RNF217: variants seen among roughly 807,000 people sequenced by gnomAD.
The protein encoded by RNF217 is E3 ubiquitin-protein ligase RNF217.
A neutral mutation model predicts 57.8 loss-of-function variants in RNF217; 31 were observed. That is an observed-to-expected ratio of 0.54 (90% confidence interval 0.40 to 0.72). RNF217 has a LOEUF of 0.72. Among genes scored for constraint, RNF217 ranks in the 30% least tolerant of loss-of-function variants. RNF217 has a pLI of 0.00. For missense variants in RNF217, 696 were observed against 708.3 expected, an observed-to-expected ratio of 0.98 and a Z score of 0.20; for synonymous variants, 313 against 294.0, an observed-to-expected ratio of 1.06 and a Z score of -0.66.
intron 3 of RNF217, among the ~76,000 whole-genome samples, chr6:125,060,754 T>C (rs1368191855): frequency 6.6e-6 from 1 of 152,126 alleles, no homozygotes; most frequent in Non-Finnish European, 1.5e-5. Flanking sequence ...CATATTTTGA[T>C]TTCCAAATGA....
chr6:125,034,015 A>G (rs1007919230), intron 1 of RNF217, among the ~76,000 whole-genome samples: 10 of 151,796 alleles, frequency 6.6e-5, no homozygotes, highest in Middle Eastern at 3.4e-3. Flanking sequence ...GTCTGTTCAT[A>G]TCCTTTGCCC....
rs577688174 is a variant in RNF217, at chr6:125,088,046, G to T, written c.*5109G>T. On this transcript the variant is annotated 3_prime_UTR_variant, in exon 6 of 6. Transcript: ENST00000521654. ...TTTTTTTTTTTTTTTTGAGACAGAG[G>T]TTCTCTCAATGTTGCCCAGGCTGGT... 7.3e-6 allele frequency: 1 copy of T among 137,490 alleles called. No homozygotes were observed. Among genetic ancestry groups the T allele is most frequent in the Admixed American group, 7.3e-5 (1 of 13,626 alleles). 8.5% of individuals were successfully genotyped at this position (137,490 alleles called of 1,614,324 possible). A position where few individuals can be genotyped will look rare whatever the true frequency, so the allele number is the denominator to read the frequency against.
At chr6:125,009,365 C>G (rs560259873) in intron 1 of RNF217, 75 of 870,782 alleles carry the variant, frequency 8.6e-5, no homozygotes, top group Non-Finnish European at 1.4e-4. Context: ...CTGTGAAGCC[C>G]TCTCACAGAC....
At chr6:125,071,389 T>C (rs1027629369) in intron 3 of RNF217, among the ~76,000 whole-genome samples, 3 of 152,032 alleles carry the variant, frequency 2.0e-5, no homozygotes, top group African/African-American at 7.2e-5. Flanking sequence ...TTGCCAGCAT[T>C]TTTTGGATAT....
intron 1 of RNF217, among the ~76,000 whole-genome samples, chr6:124,965,857 CTG>C (rs1783518781): frequency 1.3e-5 from 2 of 152,202 alleles, no homozygotes; most frequent in Admixed American, 1.3e-4. Context: ...CTAACATACT[CTG>C]TCTTACACTT....
chr6:124,988,739 C>A (rs147814348), intron 1 of RNF217, among the ~76,000 whole-genome samples: 1 of 152,156 alleles, frequency 6.6e-6, no homozygotes, highest in Non-Finnish European at 1.5e-5. Context: ...AATTAAAGTT[C>A]TTTAATCGTT....
intron 1 of RNF217, among the ~76,000 whole-genome samples, chr6:125,039,877 A>T (rs1439919404): frequency 1.3e-5 from 2 of 152,168 alleles, no homozygotes; most frequent in African/African-American, 4.8e-5. Flanking sequence ...TAAGGCAGAA[A>T]TGAAGAAGTT....
intron 1 of RNF217, among the ~76,000 whole-genome samples, chr6:125,014,540 T>A (rs1017290125): frequency 3.3e-5 from 5 of 152,272 alleles, no homozygotes; most frequent in Middle Eastern, 3.4e-3. Flanking sequence ...TATGAATCCA[T>A]CTCTGTGATG....
chr6:124,980,211 G>T lies in RNF217; in HGVS notation c.882+16785G>T, dbSNP rs570790327. On this transcript the variant is annotated intron_variant, in intron 1 of 5. Transcript: ENST00000521654. The stretch of plus-strand genomic sequence containing the variant: ...ATTTGGAAACATCTTTTGCGAAGAT[G>T]TCCATAATTATTTCACTGATTGTCA... Among the ~76,000 whole-genome samples, 19 of 152,310 alleles carry T rather than the reference G, an allele frequency of 1.2e-4. No individual in the cohort carries two copies. The East Asian group carries it at 3.7e-3, about 29-fold the overall frequency.
intron 1 of RNF217, among the ~76,000 whole-genome samples, chr6:125,006,356 G>A (rs1785179483): frequency 6.6e-6 from 1 of 152,060 alleles, no homozygotes; most frequent in Non-Finnish European, 1.5e-5. Context: ...CCTAACCACA[G>A]GGCTATAGAA....
rs1160524005 is a variant in RNF217 at position 125,090,854 on chromosome 6, T to C, written c.*7917T>C. ...ATTTTATTTTTTAACCTTTTCTCCATTTCATTAGTTATACTATTAACTTTG... is the reference window on the plus strand; with the variant it reads ...ATTTTATTTTTTAACCTTTTCTCCACTTCATTAGTTATACTATTAACTTTG... On this transcript the variant is annotated 3_prime_UTR_variant, in exon 6 of 6. Coordinates refer to ENST00000521654, the MANE Select transcript of RNF217 (RefSeq NM_001286398.3). 6.6e-6 allele frequency: 1 copy of C among 151,974 alleles called. No individual in the cohort carries two copies. Among genetic ancestry groups the C allele is most frequent in the African/African-American group, 2.4e-5 (1 of 41,458 alleles). The allele number at this position is 151,974 out of a possible 1,614,324, so 9.4% of individuals were successfully genotyped here.
intron 1 of RNF217, among the ~76,000 whole-genome samples, chr6:125,018,879 G>T (rs967492184): frequency 1.3e-5 from 2 of 152,064 alleles, no homozygotes; most frequent in African/African-American, 4.8e-5. Flanking sequence ...TGAAAGTAGG[G>T]AATCTATGGA....
chr6:125,056,341 T>C (rs1787522660), intron 2 of RNF217, among the ~76,000 whole-genome samples: 1 of 152,142 alleles, frequency 6.6e-6, no homozygotes, highest in Non-Finnish European at 1.5e-5. Flanking sequence ...CCAGCATTAT[T>C]TTGAGGATGA....
At chr6:124,968,032 G>A (rs574941215) in intron 1 of RNF217, among the ~76,000 whole-genome samples, 29 of 152,172 alleles carry the variant, frequency 1.9e-4, no homozygotes, top group African/African-American at 5.5e-4. Context: ...CACCCGCCTC[G>A]CACTCCCAAA....
At chr6:125,080,592 A>C (rs1309532104) in intron 4 of RNF217, among the ~76,000 whole-genome samples, 1 of 151,986 alleles carries the variant, frequency 6.6e-6, no homozygotes, top group Non-Finnish European at 1.5e-5. Context: ...AAGCTGTGTC[A>C]CATGCCGTAA....
intron 3 of RNF217, among the ~76,000 whole-genome samples, chr6:125,076,164 A>T (rs1582781005): frequency 6.6e-6 from 1 of 152,220 alleles, no homozygotes; most frequent in Admixed American, 6.5e-5. Context: ...AAATACATTT[A>T]TATCTGCTAT....
chr6:124,997,017 G>A, intron 1 of RNF217, among the ~76,000 whole-genome samples: 1 of 152,072 alleles, frequency 6.6e-6, no homozygotes, highest in Non-Finnish European at 1.5e-5. Context: ...TAGCACTCCT[G>A]CAAGTTTAGG....
intron 1 of RNF217, 37 bp from the exon 2 acceptor site, chr6:125,045,174 A>G (rs1426718080): frequency 7.6e-7 from 1 of 1,323,578 alleles, no homozygotes; most frequent in Admixed American, 2.0e-5. Flanking sequence ...ATAACCAGTG[A>G]CGTTTTTTTC....
chr6:124,963,573 AT>A, intron 1 of RNF217, 147 bp downstream of exon 1: 2 of 1,001,812 alleles, frequency 2.0e-6, no homozygotes, highest in Non-Finnish European at 2.8e-6. Context: ...CTCAGTTGTT[AT>A]TTAAGTGTAT....
Sources: allele counts gnomAD v4.1 joint callset (sites outside exome capture counted in the v4.1 genomes callset), GRCh38; gene constraint gnomAD v4.1.1; transcripts MANE v1.5; gene names NCBI Gene and HGNC (gene_info 2026-07-23, HGNC 2026-07-21).